Variants in SERINC5 observed in about 807,000 individuals in gnomAD.
The protein encoded by SERINC5 is chromosome 5 open reading frame 12.
SERINC5 carries 41 observed loss-of-function variants against 63.1 expected under a neutral mutation model. The observed-to-expected ratio is 0.65, with a 90% confidence interval of 0.51 to 0.84. The LOEUF is 0.84. Ranked by LOEUF, SERINC5 falls within the 40% of genes least tolerant of loss-of-function variation. The probability of loss-of-function intolerance (pLI) is 0.00; values close to 1 mark genes in which losing one functional copy is unlikely to be tolerated. For missense variants in SERINC5, 523 were observed against 573.0 expected (o/e 0.91, Z 0.89); for synonymous variants, 222 against 215.2 (o/e 1.03, Z -0.28).
At chr5:80,179,405 C>T (rs1048280167) in intron 2 of SERINC5, among the ~76,000 whole-genome samples, 3 of 152,214 alleles carry the variant, frequency 2.0e-5, no homozygotes, top group African/African-American at 2.4e-5. Flanking sequence ...TGTAAAAAGG[C>T]TTGATCAAAA....
intron 8 of SERINC5, among the ~76,000 whole-genome samples, chr5:80,155,692 G>A (rs1292926341): frequency 1.3e-5 from 2 of 151,978 alleles, no homozygotes; most frequent in Non-Finnish European, 2.9e-5. Flanking sequence ...ATCCCTTAAG[G>A]ACAGTTTACC....
At chr5:80,202,141 G>A (rs1444214386) in intron 2 of SERINC5, among the ~76,000 whole-genome samples, 3 of 152,088 alleles carry the variant, frequency 2.0e-5, no homozygotes, top group African/African-American at 7.2e-5. Context: ...GGGAGGCTGA[G>A]GCAGAAGAAT....
At chr5:80,136,611 C>T (rs1433832886), downstream of SERINC5, among the ~76,000 whole-genome samples, 1 of 152,130 alleles carries the variant, frequency 6.6e-6, no homozygotes, top group Non-Finnish European at 1.5e-5. Context: ...GACAAGATTA[C>T]ATCAAACTGA....
At chr5:80,199,923 T>A (rs1390011615) in intron 2 of SERINC5, among the ~76,000 whole-genome samples, 1 of 152,146 alleles carries the variant, frequency 6.6e-6, no homozygotes, top group East Asian at 1.9e-4. Flanking sequence ...TAATTTACTG[T>A]ATTACTTAAA....
chr5:80,145,554 T>C (rs1745764115), intron 11 of SERINC5, among the ~76,000 whole-genome samples: 1 of 152,226 alleles, frequency 6.6e-6, no homozygotes, highest in South Asian at 2.1e-4. Context: ...TACACAAAAT[T>C]TGAAGTAGAA....
chr5:80,233,604 T>G (rs1430556263), intron 1 of SERINC5, among the ~76,000 whole-genome samples: 4 of 152,036 alleles, frequency 2.6e-5, no homozygotes, highest in Non-Finnish European at 5.9e-5. Flanking sequence ...ACTAGGACTT[T>G]TTTTTTGAAC....
At chr5:80,182,191 C>A (rs910406644) in intron 2 of SERINC5, among the ~76,000 whole-genome samples, 1 of 152,118 alleles carries the variant, frequency 6.6e-6, no homozygotes, top group African/African-American at 2.4e-5. Context: ...GAAATAGCAT[C>A]AGTTAAGTCC....
chr5:80,171,979 C>T (rs1482573824), intron 5 of SERINC5, among the ~76,000 whole-genome samples: 2 of 152,078 alleles, frequency 1.3e-5, no homozygotes, highest in Non-Finnish European at 2.9e-5. Context: ...TACTATATAA[C>T]ATATATGTAT....
At chr5:80,240,308 C>A (rs1374723213) in intron 1 of SERINC5, among the ~76,000 whole-genome samples, 2 of 152,220 alleles carry the variant, frequency 1.3e-5, no homozygotes, top group Admixed American at 6.5e-5. Flanking sequence ...AAAAGCCTAA[C>A]TCTCCAAACC....
At chr5:80,210,960 G>A (rs1054751104) in intron 1 of SERINC5, among the ~76,000 whole-genome samples, 1 of 152,208 alleles carries the variant, frequency 6.6e-6, no homozygotes, top group Non-Finnish European at 1.5e-5. Context: ...AGCAGGGAAA[G>A]TGCAATGATC....
intron 1 of SERINC5, among the ~76,000 whole-genome samples, chr5:80,251,595 T>TCCC (rs1752424789): frequency 6.6e-6 from 1 of 152,040 alleles, no homozygotes; most frequent in African/African-American, 2.4e-5. Context: ...CCAGATGTAG[T>TCCC]GGCAAGTGCC....
chr5:80,209,771 G>A (rs572130672), intron 1 of SERINC5, among the ~76,000 whole-genome samples: 1 of 152,292 alleles, frequency 6.6e-6, no homozygotes, highest in South Asian at 2.1e-4. Flanking sequence ...GGCGCGTGGT[G>A]GCTCATGCCT....
intron 1 of SERINC5, among the ~76,000 whole-genome samples, chr5:80,232,347 T>G (rs1156582115): frequency 1.3e-5 from 2 of 148,342 alleles, no homozygotes; most frequent in Non-Finnish European, 3.0e-5. Context: ...GAGCTTGCAG[T>G]GAGCTGAGAT....
intron 11 of SERINC5, among the ~76,000 whole-genome samples, chr5:80,116,974 G>C (rs757208033): frequency 2.6e-5 from 4 of 151,826 alleles, no homozygotes; most frequent in Non-Finnish European, 5.9e-5. Flanking sequence ...GATTACAGGC[G>C]AGTGCCACCA....
At chr5:80,242,310 A>G (rs1397742561) in intron 1 of SERINC5, among the ~76,000 whole-genome samples, 1 of 151,866 alleles carries the variant, frequency 6.6e-6, no homozygotes. Context: ...ACCAAATACT[A>G]AAAAAAAGAC....
At chr5:80,227,092 C>T (rs1268919586) in intron 1 of SERINC5, among the ~76,000 whole-genome samples, 1 of 152,060 alleles carries the variant, frequency 6.6e-6, no homozygotes, top group African/African-American at 2.4e-5. Context: ...GACAAGGTTT[C>T]ACCATGTTGG....
chr5:80,163,721 C>T (rs1000581773), intron 7 of SERINC5, among the ~76,000 whole-genome samples: 2 of 152,084 alleles, frequency 1.3e-5, no homozygotes, highest in African/African-American at 4.8e-5. Context: ...GTATAATACC[C>T]ACTTGATCAT....
At chr5:80,254,025 G>A (rs2112623950) in intron 1 of SERINC5, among the ~76,000 whole-genome samples, 1 of 152,288 alleles carries the variant, frequency 6.6e-6, no homozygotes, top group Non-Finnish European at 1.5e-5. Context: ...CTGCCTCTGG[G>A]TTCAAGCGAT....
intron 1 of SERINC5, among the ~76,000 whole-genome samples, chr5:80,223,400 T>C (rs1477263588): frequency 6.6e-6 from 1 of 152,254 alleles, no homozygotes; most frequent in Admixed American, 6.5e-5. Context: ...TTTGTTGTGC[T>C]ATATTTTTTA....
Sources: gnomAD v4.1 joint callset for allele counts (sites outside exome capture counted in the v4.1 genomes callset) on GRCh38, gnomAD v4.1.1 for gene constraint, MANE v1.5 for transcripts, NCBI Gene and HGNC (gene_info 2026-07-23, HGNC 2026-07-21) for gene names.